Variants in FSD2 observed in about 807,000 individuals in gnomAD.
FSD2 encodes the protein fibronectin type III and SPRY domain containing 2.
FSD2 carries 71 observed loss-of-function variants against 80.4 expected under a neutral mutation model. That is an observed-to-expected ratio of 0.88 (90% CI 0.73 to 1.08). FSD2 has a LOEUF of 1.08. Among genes scored for constraint, FSD2 ranks in the 50% least tolerant of loss-of-function variants. The pLI, the probability that FSD2 is intolerant of heterozygous loss-of-function variation, is 0.00. For synonymous variants in FSD2, 361 were observed against 329.5 expected (o/e 1.10, Z -1.03); for missense variants, 923 against 913.8 (o/e 1.01, Z -0.13).
chr15:82,771,704 A>C (rs2049576979), intron 7 of FSD2, among the ~76,000 whole-genome samples: 1 of 152,192 alleles, frequency 6.6e-6, no homozygotes, highest in African/African-American at 2.4e-5. Flanking sequence ...CTATGAGAAG[A>C]GCACCAGCCT....
At position 82,794,031 on chromosome 15, in the gene FSD2, T is replaced by G. The variant is rs145830630; in HGVS notation, c.-78-6563A>C. On this transcript the variant is annotated intron_variant, in intron 1 of 12. Coordinates refer to ENST00000334574, the MANE Select transcript of FSD2 (RefSeq NM_001007122.4). ...TCTAATACTTATTATTTCCTTCCTCTGCTTGTTTTGTTTAGTTTGCTCTTC... is the reference window on the plus strand; with the variant it reads ...TCTAATACTTATTATTTCCTTCCTCGGCTTGTTTTGTTTAGTTTGCTCTTC... Among the ~76,000 whole-genome samples the G allele has an allele frequency of 4.1e-3, 620 of 152,148 alleles. 11 individuals carry two copies. In the East Asian group the frequency reaches 0.068, roughly 17 times the overall value.
chr15:82,798,849 A>C (rs1372540510), intron 1 of FSD2, among the ~76,000 whole-genome samples: 1 of 145,260 alleles, frequency 6.9e-6, no homozygotes, highest in Non-Finnish European at 1.5e-5. Context: ...AAAGGCATTA[A>C]GTTTTCTTTC....
At chr15:82,760,739 GCACACA>G (rs141943507) in intron 12 of FSD2, among the ~76,000 whole-genome samples, 8 of 150,140 alleles carry the variant, frequency 5.3e-5, no homozygotes, top group Non-Finnish European at 7.4e-5. Context: ...GTGCGTGCAC[GCACACA>G]CACACACACA....
At chr15:82,780,350 T>C (rs76055875) in intron 4 of FSD2, 83 bp from the exon 5 acceptor site, 2 of 1,033,908 alleles carry the variant, frequency 1.9e-6, no homozygotes, top group South Asian at 1.6e-5. Context: ...TTTTTTTTTT[T>C]CTTAAATGGA....
Position 82,758,598 on chromosome 15 carries a change from A to G in FSD2, c.*750T>C, listed in dbSNP as rs2151481748. The G allele has an allele frequency of 6.5e-6, 1 of 153,174 alleles. No homozygotes were observed. The highest frequency in any genetic ancestry group is 2.4e-5 in the African/African-American group (1 of 41,566). The allele number at this position is 153,174 out of a possible 1,614,324, so 9.5% of individuals were successfully genotyped here. A position where few individuals can be genotyped will look rare whatever the true frequency, so the allele number is the denominator to read the frequency against. ...TTTTGAAAGAGCCCTGCCATCCTTC[A>G]CATGGAGAGCAGTAAGAGGCCAAAG... On this transcript the variant is annotated 3_prime_UTR_variant, in exon 13 of 13. Coordinates refer to ENST00000334574, the MANE Select transcript of FSD2 (RefSeq NM_001007122.4).
At chr15:82,805,730 CCT>C (rs1210416564) in intron 1 of FSD2, among the ~76,000 whole-genome samples, 6 of 152,278 alleles carry the variant, frequency 3.9e-5, no homozygotes, top group Admixed American at 2.6e-4. Flanking sequence ...ATCACCAGCC[CCT>C]GTCTGCCTTC....
At chr15:82,780,401 C>G (rs1596245957) in intron 4 of FSD2, 134 bp from the exon 5 acceptor site, 1 of 589,076 alleles carries the variant, frequency 1.7e-6, no homozygotes, top group East Asian at 3.4e-5. Context: ...ATGGCACAAT[C>G]TCGGCTCACT....
chr15:82,769,656 G>A, intron 8 of FSD2, 94 bp downstream of exon 8: 1 of 1,413,012 alleles, frequency 7.1e-7, no homozygotes, highest in Non-Finnish European at 9.6e-7. Flanking sequence ...CTACCCTTCT[G>A]AATGAAATCA....
rs370484392 is a variant in FSD2 at position 82,794,501 on chromosome 15, A to G, written c.-78-7033T>C. ...GTTAATATAGATGTCTGTTAGGTGC[A>G]TTTGGTTTATAGTATTATTTAAGTC... On this transcript the variant is annotated intron_variant, in intron 1 of 12. Coordinates refer to ENST00000334574, the MANE Select transcript of FSD2 (RefSeq NM_001007122.4). 1.8e-4 allele frequency among the ~76,000 whole-genome samples: 27 copies of G among 152,132 alleles called. 1 individual carries two copies. The highest frequency in any genetic ancestry group is 1.3e-3 in the Admixed American group (20 of 15,270).
intron 1 of FSD2, 81 bp from the exon 2 acceptor site, chr15:82,787,549 A>G (rs2050032920): frequency 1.6e-6 from 1 of 613,706 alleles, no homozygotes. Context: ...CTCTACTCAT[A>G]TAAAACTTTA....
chr15:82,765,018 C>T (rs1038699803), intron 11 of FSD2, 148 bp downstream of exon 11: 27 of 967,706 alleles, frequency 2.8e-5, no homozygotes, highest in Middle Eastern at 2.6e-4. Flanking sequence ...CCTCTGGGTC[C>T]CCTCCCCATT....
chr15:82,773,836 G>T (rs183994687), intron 6 of FSD2, among the ~76,000 whole-genome samples: 70 of 152,270 alleles, frequency 4.6e-4, no homozygotes, highest in Non-Finnish European at 8.8e-4. Flanking sequence ...TATTGCAAAA[G>T]AATTTATCAG....
At chr15:82,773,247 A>G (rs2049629984) in intron 6 of FSD2, among the ~76,000 whole-genome samples, 1 of 152,258 alleles carries the variant, frequency 6.6e-6, no homozygotes, top group African/African-American at 2.4e-5. Flanking sequence ...GTAAGAGCAC[A>G]GCTGAACTTA....
At chr15:82,790,374 G>A (rs1020682113) in intron 1 of FSD2, among the ~76,000 whole-genome samples, 2 of 152,146 alleles carry the variant, frequency 1.3e-5, no homozygotes, top group African/African-American at 4.8e-5. Flanking sequence ...TTACATCATG[G>A]TCTGGCAGCT....
intron 1 of FSD2, among the ~76,000 whole-genome samples, chr15:82,803,672 C>A (rs190998137): frequency 1.3e-4 from 20 of 152,274 alleles, no homozygotes; most frequent in Admixed American, 1.2e-3. Flanking sequence ...ACATCCACCC[C>A]CTCCAGCACC....
At chr15:82,775,499 C>T (rs1194166008) in intron 6 of FSD2, among the ~76,000 whole-genome samples, 1 of 152,076 alleles carries the variant, frequency 6.6e-6, no homozygotes, top group African/African-American at 2.4e-5. Flanking sequence ...ATTGCTCTGG[C>T]AAGGTCTTGT....
chr15:82,782,106 A>ATAATAATAATAAT (rs60552767), intron 4 of FSD2, among the ~76,000 whole-genome samples: 1 of 115,242 alleles, frequency 8.7e-6, no homozygotes. Context: ...AATAATAATA[A>ATAATAATAATAAT]AACTCTTGGC....
intron 7 of FSD2, among the ~76,000 whole-genome samples, chr15:82,771,528 G>T (rs1195819413): frequency 6.6e-6 from 1 of 152,240 alleles, no homozygotes; most frequent in Non-Finnish European, 1.5e-5. Context: ...GGAAAAGGAT[G>T]TTGGCCAAGA....
intron 7 of FSD2, among the ~76,000 whole-genome samples, 156 bp downstream of exon 7, chr15:82,771,917 G>A (rs533886651): frequency 6.6e-6 from 1 of 152,330 alleles, no homozygotes; most frequent in East Asian, 1.9e-4. Flanking sequence ...TGCCTTGCTA[G>A]CCCTTTCTGC....
Sources: gnomAD v4.1 joint callset for allele counts (sites outside exome capture counted in the v4.1 genomes callset) on GRCh38, gnomAD v4.1.1 for gene constraint, MANE v1.5 for transcripts, NCBI Gene and HGNC (gene_info 2026-07-23, HGNC 2026-07-21) for gene names.